The following PDE4C variants were observed in gnomAD, a reference collection of about 807,000 sequenced individuals.
PDE4C encodes phosphodiesterase 4C, also known as 3',5'-cyclic-AMP phosphodiesterase 4C.
Under a neutral mutation model 63.9 loss-of-function variants are expected in PDE4C, and 50 were observed. The ratio of observed to expected loss-of-function variants is 0.78; its 90% confidence interval spans 0.62 to 0.99. The LOEUF (loss-of-function observed/expected upper bound fraction) is 0.99, where lower values mean the gene tolerates loss of function less well. Among genes scored for constraint, PDE4C ranks in the 50% least tolerant of loss-of-function variants. The probability of loss-of-function intolerance (pLI) is 0.00; values close to 1 mark genes in which losing one functional copy is unlikely to be tolerated. For synonymous variants in PDE4C, 377 were observed against 385.1 expected, an observed-to-expected ratio of 0.98 and a Z score of 0.25; for missense variants, 777 against 899.1, an observed-to-expected ratio of 0.86 and a Z score of 1.74.
chr19:18,211,743 C>T lies in PDE4C; in HGVS notation c.1695+16G>A. On this transcript the variant is annotated intron_variant, in intron 14 of 14. Transcript: ENST00000262805. ...TCCTCCCAGTGTCTACCGGTTCAGC[C>T]CAGTCCCCTGCCAACCTGGGACTTC... 1.2e-6 allele frequency: 2 copies of T among 1,613,930 alleles called. No homozygotes were observed. The highest frequency in any genetic ancestry group is 2.2e-5 in the South Asian group (2 of 91,070).
upstream of PDE4C, among the ~76,000 whole-genome samples, chr19:18,229,531 G>A (rs1023955261): frequency 6.6e-6 from 1 of 152,170 alleles, no homozygotes; most frequent in Non-Finnish European, 1.5e-5. Flanking sequence ...GTGAGCCACT[G>A]CGCCCATTCT....
chr19:18,223,345 G>C (rs1222266258), intron 1 of PDE4C, among the ~76,000 whole-genome samples: 2 of 152,296 alleles, frequency 1.3e-5, no homozygotes, highest in African/African-American at 4.8e-5. Context: ...CAAGGAGCTG[G>C]GATTACAGGC....
At chr19:18,252,536 G>A (rs1300046077), upstream of PDE4C, 1 of 398,574 alleles carries the variant, frequency 2.5e-6, no homozygotes, top group Non-Finnish European at 4.4e-6. Flanking sequence ...AGGTCAAGGT[G>A]AGAGCATCAC....
At chr19:18,215,213 C>T (rs1353476044) in intron 12 of PDE4C, among the ~76,000 whole-genome samples, 1 of 152,150 alleles carries the variant, frequency 6.6e-6, no homozygotes, top group Non-Finnish European at 1.5e-5. Flanking sequence ...GTTCCCTCTG[C>T]TGAGAACACA....
chr19:18,220,744 G>C lies in PDE4C; in HGVS notation c.499+130C>G. 1 of 944,420 alleles carries C rather than the reference G, an allele frequency of 1.1e-6. No individual in the cohort carries two copies. The highest frequency in any genetic ancestry group is 1.7e-6 in the Non-Finnish European group (1 of 596,618). The allele number at this position is 944,420 out of a possible 1,614,324, so 58.5% of individuals were successfully genotyped here. ...AGTGTGGTGGGGTCCATCCCCGAGG[G>C]CGTTATTGTTTTTGCAGGGGCGGGG... On this transcript the variant is annotated intron_variant, in intron 5 of 14. Transcript: ENST00000262805. This position sits in a 1 kb window ranked among gnomAD's most constrained non-coding sequence, Gnocchi z 5.1.
intron 1 of PDE4C, among the ~76,000 whole-genome samples, chr19:18,246,665 T>C (rs1969140572): frequency 6.6e-6 from 1 of 152,074 alleles, no homozygotes; most frequent in African/African-American, 2.4e-5. Context: ...TGGTGGTTCA[T>C]GCCTGTAATC....
At chr19:18,233,286 G>C (rs374982686) in exon 1 of PDE4C, 1 of 1,508,406 alleles carries the variant, frequency 6.6e-7, no homozygotes, top group Non-Finnish European at 8.9e-7. Flanking sequence ...GCCCAGGGCC[G>C]GGAGTGGAGG....
At chr19:18,223,698 G>A (rs1968596266) in intron 1 of PDE4C, among the ~76,000 whole-genome samples, 3 of 152,192 alleles carry the variant, frequency 2.0e-5, no homozygotes, top group Admixed American at 6.5e-5. Context: ...CTCTTTGAGG[G>A]GGTTACAACC....
At chr19:18,241,274 T>C (rs1282416443) in intron 1 of PDE4C, among the ~76,000 whole-genome samples, 1 of 126,148 alleles carries the variant, frequency 7.9e-6, no homozygotes, top group East Asian at 2.4e-4. Context: ...TTTTTTTTTT[T>C]TTTTTTTTTT....
intron 1 of PDE4C, among the ~76,000 whole-genome samples, chr19:18,242,170 AG>A (rs1202751854): frequency 6.6e-6 from 1 of 151,990 alleles, no homozygotes; most frequent in Non-Finnish European, 1.5e-5. Flanking sequence ...ACAAGTTGGT[AG>A]GTTTAAGAAA....
intron 1 of PDE4C, among the ~76,000 whole-genome samples, chr19:18,247,000 G>C (rs1210655046): frequency 1.3e-5 from 2 of 152,210 alleles, no homozygotes; most frequent in Non-Finnish European, 2.9e-5. Flanking sequence ...GATGGGCCTG[G>C]GATTTGAATC....
chr19:18,213,618 G>T, intron 12 of PDE4C, 128 bp from the exon 13 acceptor site: 1 of 1,068,028 alleles, frequency 9.4e-7, no homozygotes, highest in Non-Finnish European at 1.3e-6. Context: ...TCTGTGAAAT[G>T]GAAGGATGCA....
chr19:18,220,806 G>T lies in PDE4C; in HGVS notation c.499+68C>A. 1 of 1,459,210 alleles carries T rather than the reference G, an allele frequency of 6.9e-7. No individual in the cohort carries two copies. The highest frequency in any genetic ancestry group is 9.5e-7 in the Non-Finnish European group (1 of 1,052,732). The allele number at this position is 1,459,210 out of a possible 1,614,324, so 90.4% of individuals were successfully genotyped here. On this transcript the variant is annotated intron_variant, in intron 5 of 14. Coordinates refer to ENST00000262805, the Ensembl canonical transcript of PDE4C. The surrounding 1 kb of genome is among the most constrained non-coding windows in gnomAD (Gnocchi z 5.1). ...CCCAGTATAAGGGGCTCATGGACTG[G>T]GGAGGTCACTATGGAAAGGAAGCTC...
intron 1 of PDE4C, chr19:18,224,458 T>A (rs1968638540): frequency 1.0e-6 from 1 of 985,450 alleles, no homozygotes; most frequent in Non-Finnish European, 1.2e-6. Context: ...TCGGTCCAAG[T>A]ATGACCGGGT....
At chr19:18,217,366 G>C (rs1968245077) in intron 11 of PDE4C, 1 of 153,254 alleles carries the variant, frequency 6.5e-6, no homozygotes, top group Admixed American at 6.4e-5. Context: ...GGGTCTCACT[G>C]TATTGCCCAG....
At chr19:18,228,117 A>G (rs930221903), upstream of PDE4C, among the ~76,000 whole-genome samples, 12 of 151,992 alleles carry the variant, frequency 7.9e-5, no homozygotes, top group African/African-American at 2.9e-4. Flanking sequence ...TAGGGGACAC[A>G]TGCTGCTAGG....
chr19:18,221,869 G>A (rs1968498095), intron 2 of PDE4C, among the ~76,000 whole-genome samples: 2 of 152,078 alleles, frequency 1.3e-5, no homozygotes, highest in Non-Finnish European at 2.9e-5. Context: ...CAGGTGATCC[G>A]CCCACCTCGG....
rs181414148 is a variant in PDE4C at position 18,213,031 on chromosome 19, C to T, written c.1512+337G>A. 2.4e-3 allele frequency among the ~76,000 whole-genome samples: 354 copies of T among 147,738 alleles called. 4 individuals carry two copies. Among genetic ancestry groups the T allele is most frequent in the African/African-American group, 8.4e-3 (340 of 40,612 alleles). ...AAAACCGGCCGGGCGCGGTGGCTCA[C>T]GCCTGTAATCCCAGCACTTTGGGAG... On this transcript the variant is annotated intron_variant, in intron 13 of 14. Transcript: ENST00000262805.
chr19:18,252,074 G>C (rs373347071), upstream of PDE4C: 1 of 398,946 alleles, frequency 2.5e-6, no homozygotes, highest in Non-Finnish European at 4.4e-6. Context: ...CTGGGCCAGG[G>C]GGCTCCAAGG....
Sources: gnomAD v4.1 joint callset for allele counts (sites outside exome capture counted in the v4.1 genomes callset) on GRCh38, gnomAD v4.1.1 for gene constraint, Gnocchi (gnomAD v3.1) non-coding constraint, MANE v1.5 for transcripts, NCBI Gene and HGNC (gene_info 2026-07-23, HGNC 2026-07-21) for gene names.